Variants in ADHFE1 observed in about 807,000 individuals in gnomAD.
ADHFE1 encodes alcohol dehydrogenase iron containing 1, also known as hydroxyacid-oxoacid transhydrogenase, mitochondrial.
Under a neutral mutation model 54.8 loss-of-function variants are expected in ADHFE1, and 37 were observed. The ratio of observed to expected loss-of-function variants is 0.68; its 90% CI spans 0.52 to 0.89. The LOEUF (loss-of-function observed/expected upper bound fraction) is 0.89. Ranked by LOEUF, ADHFE1 falls within the 40% of genes least tolerant of loss-of-function variation. The probability of loss-of-function intolerance (pLI) is 0.00; values close to 1 mark genes in which losing one functional copy is unlikely to be tolerated. For synonymous variants in ADHFE1, 203 were observed against 229.3 expected (o/e 0.89, Z 1.04); for missense variants, 601 against 591.2 (o/e 1.02, Z -0.17).
At chr8:66,461,514 A>C (rs1397965486) in intron 13 of ADHFE1, among the ~76,000 whole-genome samples, 1 of 152,052 alleles carries the variant, frequency 6.6e-6, no homozygotes, top group Non-Finnish European at 1.5e-5. Flanking sequence ...CCACTCACTT[A>C]AGATAATATT....
intron 13 of ADHFE1, 74 bp downstream of exon 13, chr8:66,460,539 C>A: frequency 1.0e-5 from 15 of 1,496,756 alleles, no homozygotes; most frequent in Non-Finnish European, 1.3e-5. Context: ...GCATTGATGG[C>A]GGGCTAGCAG....
rs117770571 is a variant in ADHFE1 at position 66,452,467 on chromosome 8, T to C, written c.887+362T>C. On this transcript the variant is annotated intron_variant, in intron 9 of 13. Coordinates refer to ENST00000396623, the MANE Select transcript of ADHFE1 (RefSeq NM_144650.3). ...CCGAAGACACACAGAATCCATCCTT[T>C]GAGTTAACTCAAATGAACTAAACTT... Among the ~76,000 whole-genome samples, 549 of 152,330 alleles carry C rather than the reference T, an allele frequency of 3.6e-3. 15 individuals are homozygous for C. The East Asian group carries it at 0.085, about 24-fold the overall frequency.
chr8:66,443,886 G>A (rs1300184595), intron 3 of ADHFE1, among the ~76,000 whole-genome samples: 1 of 151,818 alleles, frequency 6.6e-6, no homozygotes, highest in East Asian at 1.9e-4. Context: ...GGCGAAACAT[G>A]ACCCATCATC....
chr8:66,451,170 G>A (rs1806279950), intron 8 of ADHFE1, among the ~76,000 whole-genome samples: 1 of 152,226 alleles, frequency 6.6e-6, no homozygotes, highest in East Asian at 1.9e-4. Context: ...TGATGAGCTA[G>A]AAGTCATGGC....
Position 66,460,288 on chromosome 8 carries a change from C to A in ADHFE1, c.1163-20C>A. ...CCGTTTCTTCCTCTCTCCCTACAGT[C>A]AGCACTTTATGTCTTCTAGGAGCCG... On this transcript the variant is annotated intron_variant, in intron 12 of 13. Transcript: ENST00000396623. 1 of 1,613,492 alleles carries A rather than the reference C, an allele frequency of 6.2e-7. No individual in the cohort carries two copies. Among genetic ancestry groups the A allele is most frequent in the South Asian group, 1.1e-5 (1 of 91,022 alleles).
At chr8:66,453,374 T>C (rs1171195156) in intron 9 of ADHFE1, among the ~76,000 whole-genome samples, 2 of 152,146 alleles carry the variant, frequency 1.3e-5, no homozygotes, top group Admixed American at 1.3e-4. Context: ...CAAGGCAAAA[T>C]TGCAAAAAAG....
At position 66,439,889 on chromosome 8, in the gene ADHFE1, T is replaced by G. The variant is rs1333157570; in HGVS notation, c.60-273T>G. Reference sequence around the variant, plus strand: ...TGCATGTACCCCCAGAGCGTTTATCTCAGCTGCCCGCAGGCATTTGATAGG... The same window carrying G: ...TGCATGTACCCCCAGAGCGTTTATCGCAGCTGCCCGCAGGCATTTGATAGG... On this transcript the variant is annotated intron_variant, in intron 1 of 13. Transcript: ENST00000396623. This position sits in a 1 kb window ranked among gnomAD's most constrained non-coding sequence, Gnocchi z 4.4. Among the ~76,000 whole-genome samples, 3 of 152,178 alleles carry G rather than the reference T, an allele frequency of 2.0e-5. No individual in the cohort carries two copies. The highest frequency in any genetic ancestry group is 2.9e-5 in the Non-Finnish European group (2 of 68,042).
rs1037471250 is a variant in ADHFE1 at position 66,449,204 on chromosome 8, G to A, written c.734+234G>A. Among the ~76,000 whole-genome samples, 20 of 152,180 alleles carry A rather than the reference G, an allele frequency of 1.3e-4. 2 individuals are homozygous for A. The highest frequency in any genetic ancestry group is 1.2e-3 in the Admixed American group (19 of 15,268). On this transcript the variant is annotated intron_variant, in intron 8 of 13. Coordinates refer to ENST00000396623, the MANE Select transcript of ADHFE1 (RefSeq NM_144650.3). Reference sequence around the variant, plus strand: ...TCAGGATGGATCCCCCCCAGCCACAGCCAGGGACATAGGGATGCCGCTAAA... The same window carrying A: ...TCAGGATGGATCCCCCCCAGCCACAACCAGGGACATAGGGATGCCGCTAAA...
intron 8 of ADHFE1, among the ~76,000 whole-genome samples, chr8:66,451,536 G>A (rs1318297486): frequency 6.6e-6 from 1 of 152,130 alleles, no homozygotes. Flanking sequence ...TAGAAATCTG[G>A]TGTAGCTATG....
At chr8:66,460,195 G>A in intron 12 of ADHFE1, 113 bp from the exon 13 acceptor site, 1 of 1,367,036 alleles carries the variant, frequency 7.3e-7, no homozygotes, top group Non-Finnish European at 1.0e-6. Context: ...CCCGTGCTGG[G>A]CGTTAGGGAG....
At chr8:66,464,532 A>T (rs1807067910) in intron 13 of ADHFE1, among the ~76,000 whole-genome samples, 1 of 152,134 alleles carries the variant, frequency 6.6e-6, no homozygotes, top group African/African-American at 2.4e-5. Context: ...ACATAATGAG[A>T]CCCTCTGCCT....
chr8:66,437,015 G>T (rs1805498369), intron 1 of ADHFE1, among the ~76,000 whole-genome samples: 1 of 152,130 alleles, frequency 6.6e-6, no homozygotes, highest in Non-Finnish European at 1.5e-5. Context: ...TAGTGAGCTG[G>T]GAAGCTGGTC....
rs1257110162 is a variant in ADHFE1, at chr8:66,444,625, G to C, written c.230G>C (p.Cys77Ser). Reference sequence around the variant, plus strand: ...AAAAACATGGGTGCTAAAAATGTGTGCTTGATGACAGACAAGAACCTCTCC... The same window carrying C: ...AAAAACATGGGTGCTAAAAATGTGTCCTTGATGACAGACAAGAACCTCTCC... ...DLKNMGAKNV[C>S]LMTDKNLSKL... Residue 77 changes from cysteine to serine, a missense_variant, in exon 5 of 14, where the codon TGC (cysteine) becomes TCC (serine). Transcript: ENST00000396623. The C allele has an allele frequency of 6.2e-7, 1 of 1,614,064 alleles. No individual in the cohort carries two copies. The highest frequency in any genetic ancestry group is 1.3e-5 in the African/African-American group (1 of 74,920).
At chr8:66,447,188 G>A in intron 6 of ADHFE1, 76 bp from the exon 7 acceptor site, 1 of 1,330,570 alleles carries the variant, frequency 7.5e-7, no homozygotes, top group Non-Finnish European at 1.1e-6. Flanking sequence ...TTGTTCCTCA[G>A]TCCTAAGGCT....
At chr8:66,454,198 G>A in intron 10 of ADHFE1, 41 bp downstream of exon 10, 1 of 1,595,752 alleles carries the variant, frequency 6.3e-7, no homozygotes, top group Non-Finnish European at 8.5e-7. Context: ...TCAAGCTATT[G>A]CTTTAAAAAA....
At chr8:66,453,652 A>G in intron 9 of ADHFE1, 1 of 1,348,730 alleles carries the variant, frequency 7.4e-7, no homozygotes. Context: ...CTCAGAGAGA[A>G]AGAGCGCTGG....
intron 2 of ADHFE1, among the ~76,000 whole-genome samples, chr8:66,442,456 G>A (rs1011017014): frequency 2.6e-5 from 4 of 151,642 alleles, no homozygotes; most frequent in Non-Finnish European, 4.4e-5. Context: ...GACTACAGGC[G>A]CTCGCCACCA....
chr8:66,461,678 T>G (rs1806906089), intron 13 of ADHFE1, among the ~76,000 whole-genome samples: 1 of 151,562 alleles, frequency 6.6e-6, no homozygotes, highest in East Asian at 2.0e-4. Flanking sequence ...CAGCTGCAGT[T>G]TATCATCACC....
At chr8:66,446,316 C>T (rs905862638) in intron 6 of ADHFE1, among the ~76,000 whole-genome samples, 1 of 152,130 alleles carries the variant, frequency 6.6e-6, no homozygotes, top group African/African-American at 2.4e-5. Context: ...AACCACGGAG[C>T]CCAGCAAAGG....
Sources: allele counts gnomAD v4.1 joint callset (sites outside exome capture counted in the v4.1 genomes callset), GRCh38; gene constraint gnomAD v4.1.1; non-coding constraint Gnocchi (gnomAD v3.1); transcripts MANE v1.5; gene names NCBI Gene and HGNC (gene_info 2026-07-23, HGNC 2026-07-21).